The following MYOT variants were observed in gnomAD, a reference collection of about 807,000 sequenced individuals.
The protein encoded by MYOT is myotilin.
Under a neutral mutation model 58.0 loss-of-function variants are expected in MYOT, and 36 were observed. The observed-to-expected ratio is 0.62, with a 90% CI of 0.48 to 0.82. The LOEUF (loss-of-function observed/expected upper bound fraction) is 0.82, where lower values mean the gene tolerates loss of function less well. MYOT is among the 40% of genes least tolerant of loss of function. MYOT has a pLI of 0.00. For synonymous variants in MYOT, 218 were observed against 204.6 expected (o/e 1.07, Z -0.56); for missense variants, 505 against 592.1 (o/e 0.85, Z 1.53).
intron 3 of MYOT, among the ~76,000 whole-genome samples, chr5:137,876,594 T>C (rs1252397581): frequency 1.3e-5 from 2 of 151,978 alleles, no homozygotes; most frequent in Non-Finnish European, 2.9e-5. Flanking sequence ...TCACCAAGGT[T>C]AGGAGTTCGA....
At chr5:137,880,758 C>G (rs1755400813) in intron 4 of MYOT, 58 bp from the exon 5 acceptor site, 1 of 1,352,980 alleles carries the variant, frequency 7.4e-7, no homozygotes. Context: ...CTACTTAATT[C>G]TGCTTCATTC....
At chr5:137,869,026 A>G (rs1016000392) in intron 1 of MYOT, among the ~76,000 whole-genome samples, 2 of 152,150 alleles carry the variant, frequency 1.3e-5, no homozygotes, top group Non-Finnish European at 2.9e-5. Context: ...TAAAATTGCT[A>G]GTTTTAATTT....
chr5:137,883,384 G>A lies in MYOT; in HGVS notation c.817G>A (p.Val273Met). The A allele has an allele frequency of 1.2e-6, 2 of 1,613,730 alleles. No homozygotes were observed. The highest frequency in any genetic ancestry group is 1.7e-6 in the Non-Finnish European group (2 of 1,179,774). The part of the protein sequence containing the change: ...EGRFCRMDFK[V>M]SGLPAPDVSW... ...CATCTCCTTGTGTTTTTCTTTCTAG[G>A]TGAGTGGACTGCCAGCTCCTGATGT... Residue 273 changes from valine (V) to methionine (M), a missense_variant and splice_region_variant, in exon 7 of 10, where the codon GTG (valine) becomes ATG (methionine). Coordinates refer to ENST00000239926, the MANE Select transcript of MYOT (RefSeq NM_006790.3).
At chr5:137,881,109 C>A (rs1266574617) in intron 5 of MYOT, among the ~76,000 whole-genome samples, 1 of 152,152 alleles carries the variant, frequency 6.6e-6, no homozygotes, top group Non-Finnish European at 1.5e-5. Flanking sequence ...ACAATTTTCT[C>A]ATGACAATGG....
At chr5:137,880,506 C>A (rs1233026642) in intron 4 of MYOT, 3 of 311,258 alleles carry the variant, frequency 9.6e-6, no homozygotes, top group Non-Finnish European at 1.8e-5. Flanking sequence ...ATTTCAAATG[C>A]ACCAGGGAGA....
chr5:137,877,596 A>G lies in MYOT; in HGVS notation c.608A>G (p.Asp203Gly). Residue 203 changes from aspartate to glycine, a missense_variant, in exon 4 of 10, where the codon GAT (aspartate) becomes GGT (glycine). By Grantham distance (94) the Asp-to-Gly change is moderately conservative. Coordinates refer to ENST00000239926, the MANE Select transcript of MYOT (RefSeq NM_006790.3). ...QNAAAVFQAQDDSGAQDSQQH... is the reference protein window; with the variant it reads ...QNAAAVFQAQGDSGAQDSQQH... ...GCAGCTGCTGTGTTTCAAGCTCAGG[A>G]TGACAGTGGTGCACAAGACTCGCAG... The G allele has an allele frequency of 1.2e-6, 2 of 1,613,702 alleles. No individual in the cohort carries two copies. Among genetic ancestry groups the G allele is most frequent in the Non-Finnish European group, 1.7e-6 (2 of 1,179,666 alleles).
At chr5:137,886,416 T>C (rs540171359) in intron 8 of MYOT, among the ~76,000 whole-genome samples, 4 of 152,274 alleles carry the variant, frequency 2.6e-5, no homozygotes, top group African/African-American at 7.2e-5. Context: ...ATGTAAGGCA[T>C]AAAGTAGACT....
At chr5:137,883,283 C>G (rs1755494084) in intron 6 of MYOT, 101 bp from the exon 7 acceptor site, 7 of 976,400 alleles carry the variant, frequency 7.2e-6, no homozygotes, top group Non-Finnish European at 1.2e-5. Flanking sequence ...AATCGCAAAC[C>G]CACTCAGATA....
intron 3 of MYOT, among the ~76,000 whole-genome samples, chr5:137,877,201 T>C (rs1445440294): frequency 2.0e-5 from 3 of 151,778 alleles, no homozygotes; most frequent in Non-Finnish European, 4.4e-5. Context: ...ACCCCGTCTC[T>C]ACTAAAAATA....
In MYOT at chr5:137,881,249, G is replaced by C. The variant is rs1222493423; in HGVS notation, c.683+384G>C. Among the ~76,000 whole-genome samples, 3 of 152,232 alleles carry C rather than the reference G, an allele frequency of 2.0e-5. No homozygotes were observed. In the East Asian group the frequency reaches 5.8e-4, roughly 29 times the overall value. On this transcript the variant is annotated intron_variant, in intron 5 of 9. Coordinates refer to ENST00000239926, the MANE Select transcript of MYOT (RefSeq NM_006790.3). ...AAACTAAGATGTACAATTTGTACCA[G>C]ATGTTTCTAAATTGCTACCATTTCT...
At chr5:137,883,290 G>C (rs1755494266) in intron 6 of MYOT, 94 bp from the exon 7 acceptor site, 5 of 1,059,364 alleles carry the variant, frequency 4.7e-6, no homozygotes, top group Middle Eastern at 5.8e-4. Context: ...AACCCACTCA[G>C]ATACGGGAAC....
rs1264295649 is a variant in MYOT at position 137,883,246 on chromosome 5, T to C, written c.817-138T>C. Reference sequence around the variant, plus strand: ...AATGTTTTGTTTAAAAAATTATAAATACTTTTGAGCTCTTGCTTTGCATTT... The same window carrying C: ...AATGTTTTGTTTAAAAAATTATAAACACTTTTGAGCTCTTGCTTTGCATTT... On this transcript the variant is annotated intron_variant, in intron 6 of 9. Transcript: ENST00000239926. 3 of 697,932 alleles carry C rather than the reference T, an allele frequency of 4.3e-6. No individual in the cohort carries two copies. In the East Asian group the frequency reaches 8.1e-5, roughly 19 times the overall value. 43.2% of individuals were successfully genotyped at this position (697,932 alleles called of 1,614,324 possible). A position where few individuals can be genotyped will look rare whatever the true frequency, so the allele number is the denominator to read the frequency against.
At chr5:137,885,986 G>C (rs1048459222) in intron 7 of MYOT, 62 bp from the exon 8 acceptor site, 12 of 1,118,762 alleles carry the variant, frequency 1.1e-5, no homozygotes, top group African/African-American at 3.2e-5. Flanking sequence ...ATAATACCTT[G>C]GTTTGATTTA....
chr5:137,873,292 C>T (rs1047751567), intron 2 of MYOT, among the ~76,000 whole-genome samples: 1 of 150,954 alleles, frequency 6.6e-6, no homozygotes, highest in African/African-American at 2.4e-5. Context: ...TTTGGGAGGC[C>T]AAGGTGGATG....
chr5:137,886,252 G>A (rs2149989968), intron 8 of MYOT, 39 bp downstream of exon 8: 2 of 1,503,796 alleles, frequency 1.3e-6, no homozygotes, highest in Non-Finnish European at 1.8e-6. Flanking sequence ...AGTTTATTTG[G>A]GTGAATCCAG....
rs755958730 is a variant in MYOT, at chr5:137,881,995, G to T, written c.706G>T (p.Asp236Tyr). 1.9e-6 allele frequency: 3 copies of T among 1,614,018 alleles called. No individual in the cohort carries two copies. The highest frequency in any genetic ancestry group is 1.6e-4 in the Middle Eastern group (1 of 6,062). The change falls in exon 6 of 10, where the codon GAT becomes TAT. Residue 236 changes from aspartate to tyrosine, a missense_variant. By Grantham distance (160) the Asp-to-Tyr change is radical. Coordinates refer to ENST00000239926, the MANE Select transcript of MYOT (RefSeq NM_006790.3). ...QVRSRSTSRG[D>Y]VNDQDAIQEK... ...TAGAAGTAGATCAACCTCAAGGGGA[G>T]ATGTGAATGATCAGGATGCAATCCA...
At position 137,877,506 on chromosome 5, in the gene MYOT, TA is replaced by T; in HGVS notation, c.532-11del. The T allele has an allele frequency of 1.3e-6, 2 of 1,574,660 alleles. No individual in the cohort carries two copies. The highest frequency in any genetic ancestry group is 1.7e-6 in the Non-Finnish European group (2 of 1,144,622). ...TTATTAAATCTAATTACTGTCTCAA[TA>T]AATTCTCTAAAGCGTCTAACATATG... On this transcript the variant is annotated splice_polypyrimidine_tract_variant and intron_variant, in intron 3 of 9. Transcript: ENST00000239926.
Position 137,887,324 on chromosome 5 carries a change from CAGA to C in MYOT, c.1439_1441del (p.Glu480del). The C allele has an allele frequency of 6.2e-7, 1 of 1,613,960 alleles. No individual in the cohort carries two copies. Among genetic ancestry groups the C allele is most frequent in the South Asian group, 1.1e-5 (1 of 91,068 alleles). On this transcript the variant is annotated inframe_deletion, in exon 10 of 10. Transcript: ENST00000239926. Reference sequence around the variant, plus strand: ...TTGAATGTAAAACAAGCTTTTAACCCAGAAGGAGAATTTCAGCGTTTGGCAGCT... The same window carrying C: ...TTGAATGTAAAACAAGCTTTTAACCCAGGAGAATTTCAGCGTTTGGCAGCT...
chr5:137,885,900 T>C (rs1229194328), intron 7 of MYOT, 148 bp from the exon 8 acceptor site: 20 of 549,768 alleles, frequency 3.6e-5, no homozygotes, highest in Admixed American at 1.2e-4. Flanking sequence ...AACAAAATAG[T>C]ACTGCATGTC....
Sources: allele counts gnomAD v4.1 joint callset (sites outside exome capture counted in the v4.1 genomes callset), GRCh38; gene constraint gnomAD v4.1.1; transcripts MANE v1.5; gene names NCBI Gene and HGNC (gene_info 2026-07-23, HGNC 2026-07-21).